NXPH1: variants seen among roughly 807,000 people sequenced by gnomAD.
NXPH1 encodes the protein neurexophilin-1.
NXPH1 carries 5 observed loss-of-function variants against 23.7 expected under a neutral mutation model. That is an observed-to-expected ratio of 0.21 (90% CI 0.11 to 0.44). NXPH1 has a LOEUF of 0.44. Among genes scored for constraint, NXPH1 ranks in the 20% least tolerant of loss-of-function variants. The pLI is 0.99. For synonymous variants in NXPH1, 144 were observed against 122.2 expected (o/e 1.18, Z -1.18); for missense variants, 324 against 321.6 (o/e 1.01, Z -0.06).
intron 2 of NXPH1, among the ~76,000 whole-genome samples, chr7:8,496,744 C>G (rs549884183): frequency 6.6e-6 from 1 of 152,132 alleles, no homozygotes; most frequent in African/African-American, 2.4e-5. Context: ...ATAACTTGTC[C>G]TAAAACAATG....
rs146369377 is a variant in NXPH1, at chr7:8,548,676, A to C, written c.54+112909A>C. On this transcript the variant is annotated intron_variant, in intron 2 of 2. Coordinates refer to ENST00000405863, the MANE Select transcript of NXPH1 (RefSeq NM_152745.3). ...TGATAGCCTGATTTATGGAGTTGGC[A>C]TTCCTGAGTTCTTAACACAGCTTTG... is the stretch of plus-strand genomic sequence containing the variant. Among the ~76,000 whole-genome samples the C allele has an allele frequency of 3.3e-4, 50 of 151,622 alleles. 2 individuals are homozygous for C. In the East Asian group the frequency reaches 9.2e-3, roughly 28 times the overall value.
chr7:8,438,785 A>G (rs890640726), intron 2 of NXPH1, among the ~76,000 whole-genome samples: 9 of 152,222 alleles, frequency 5.9e-5, no homozygotes, highest in African/African-American at 2.2e-4. Flanking sequence ...TTTGCAAAGT[A>G]TGTTTCTGGG....
chr7:8,517,876 C>T (rs1817710916), intron 2 of NXPH1, among the ~76,000 whole-genome samples: 1 of 152,132 alleles, frequency 6.6e-6, no homozygotes, highest in African/African-American at 2.4e-5. Context: ...TAGGAGTGAA[C>T]AGAGTTGCCT....
chr7:8,748,136 C>G (rs974952598), intron 2 of NXPH1, among the ~76,000 whole-genome samples: 1 of 152,122 alleles, frequency 6.6e-6, no homozygotes, highest in Non-Finnish European at 1.5e-5. Context: ...CAACTTTATC[C>G]TATTAGAAAT....
At chr7:8,493,501 C>T (rs1041311671) in intron 2 of NXPH1, among the ~76,000 whole-genome samples, 1 of 152,014 alleles carries the variant, frequency 6.6e-6, no homozygotes, top group Admixed American at 6.6e-5. Flanking sequence ...ACATTTTGTC[C>T]TGCTAGAATG....
At chr7:8,690,695 A>G (rs1418604674) in intron 2 of NXPH1, among the ~76,000 whole-genome samples, 5 of 152,232 alleles carry the variant, frequency 3.3e-5, no homozygotes, top group Non-Finnish European at 7.3e-5. Flanking sequence ...TACCTTGTAT[A>G]TATGTCTTGA....
At chr7:8,616,822 A>G (rs1301808089) in intron 2 of NXPH1, among the ~76,000 whole-genome samples, 1 of 144,248 alleles carries the variant, frequency 6.9e-6, no homozygotes, top group African/African-American at 2.5e-5. Flanking sequence ...TTAAGTTGAG[A>G]TGGGGTTGAA....
chr7:8,435,436 C>T lies in NXPH1; in HGVS notation c.-110-168C>T. 1.9e-6 allele frequency: 1 copy of T among 521,036 alleles called. No homozygotes were observed. The highest frequency in any genetic ancestry group is 1.9e-5 in the African/African-American group (1 of 51,714). 32.3% of individuals were successfully genotyped at this position (521,036 alleles called of 1,614,324 possible). ...CCCGCCTCCCCAGCTGCGGACCGCGCGCTTGCTGGTCTCAGGCGCTGGATT... is the reference window on the plus strand; with the variant it reads ...CCCGCCTCCCCAGCTGCGGACCGCGTGCTTGCTGGTCTCAGGCGCTGGATT... On this transcript the variant is annotated intron_variant, in intron 1 of 2. Coordinates refer to ENST00000405863, the MANE Select transcript of NXPH1 (RefSeq NM_152745.3). This position sits in a 1 kb window ranked among gnomAD's most constrained non-coding sequence, Gnocchi z 5.9.
chr7:8,450,034 CA>C, intron 2 of NXPH1, among the ~76,000 whole-genome samples: 1 of 152,286 alleles, frequency 6.6e-6, no homozygotes, highest in Admixed American at 6.5e-5. Context: ...CCCTGGGTCT[CA>C]GGGTAAGGTA....
intron 2 of NXPH1, among the ~76,000 whole-genome samples, chr7:8,523,294 T>C (rs1364061652): frequency 6.6e-6 from 1 of 152,200 alleles, no homozygotes; most frequent in Non-Finnish European, 1.5e-5. Flanking sequence ...ATTTCTAATA[T>C]TGGGAGATGT....
At chr7:8,664,557 T>C (rs1030271012) in intron 2 of NXPH1, among the ~76,000 whole-genome samples, 6 of 152,116 alleles carry the variant, frequency 3.9e-5, no homozygotes, top group African/African-American at 1.4e-4. Flanking sequence ...TCTCCAGAGA[T>C]GCTGGATTAT....
chr7:8,621,390 G>A (rs1342577327), intron 2 of NXPH1, among the ~76,000 whole-genome samples: 1 of 152,128 alleles, frequency 6.6e-6, no homozygotes, highest in Non-Finnish European at 1.5e-5. Context: ...GTGAGCAACA[G>A]GATAGCTTGG....
intron 2 of NXPH1, among the ~76,000 whole-genome samples, chr7:8,684,098 G>A (rs1821103222): frequency 6.6e-6 from 1 of 152,138 alleles, no homozygotes; most frequent in Non-Finnish European, 1.5e-5. Flanking sequence ...TTGATGTATA[G>A]GACATAAGAA....
In NXPH1 at chr7:8,752,472, A is replaced by G. The variant is rs1780582209; in HGVS notation, c.*703A>G. ...ATTTGGAATTTACATGTGGGCAGAC[A>G]TTGGGATAACAACTTTCATCACCAA... On this transcript the variant is annotated 3_prime_UTR_variant, in exon 3 of 3. Transcript: ENST00000405863. The G allele has an allele frequency of 6.6e-6, 1 of 152,592 alleles. No homozygotes were observed. The highest frequency in any genetic ancestry group is 1.5e-5 in the Non-Finnish European group (1 of 68,038). 9.5% of individuals were successfully genotyped at this position (152,592 alleles called of 1,614,324 possible). A position where few individuals can be genotyped will look rare whatever the true frequency, so the allele number is the denominator to read the frequency against.
At chr7:8,502,182 C>T (rs940669058) in intron 2 of NXPH1, among the ~76,000 whole-genome samples, 2 of 151,946 alleles carry the variant, frequency 1.3e-5, no homozygotes, top group African/African-American at 2.4e-5. Flanking sequence ...AATGTCTTTA[C>T]TAAGTATTTT....
chr7:8,561,336 G>A (rs1223592631), intron 2 of NXPH1, among the ~76,000 whole-genome samples: 1 of 108,420 alleles, frequency 9.2e-6, no homozygotes. Context: ...TTTTGGAGAT[G>A]AGGGAAGCCT....
intron 2 of NXPH1, among the ~76,000 whole-genome samples, chr7:8,490,528 C>G (rs1650227074): frequency 6.6e-6 from 1 of 151,732 alleles, no homozygotes; most frequent in South Asian, 2.1e-4. Context: ...TTAACCTTCT[C>G]TGAGTGAAGG....
At chr7:8,510,263 T>C (rs566525306) in intron 2 of NXPH1, among the ~76,000 whole-genome samples, 2 of 152,256 alleles carry the variant, frequency 1.3e-5, no homozygotes, top group African/African-American at 4.8e-5. Flanking sequence ...ATGATGAATG[T>C]AATCATAGTC....
At chr7:8,551,947 C>T (rs17151046) in intron 2 of NXPH1, among the ~76,000 whole-genome samples, 12 of 151,330 alleles carry the variant, frequency 7.9e-5, no homozygotes, top group Admixed American at 4.0e-4. Context: ...ATTTTTTGAA[C>T]GTTTTTTCCC....
Sources: gnomAD v4.1 joint callset for allele counts (sites outside exome capture counted in the v4.1 genomes callset) on GRCh38, gnomAD v4.1.1 for gene constraint, Gnocchi (gnomAD v3.1) non-coding constraint, MANE v1.5 for transcripts, NCBI Gene and HGNC (gene_info 2026-07-23, HGNC 2026-07-21) for gene names.